Variants in ADCY1 observed in about 807,000 individuals in gnomAD.
ADCY1 encodes adenylate cyclase 1, also known as adenylate cyclase type 1.
ADCY1 carries 28 observed loss-of-function variants against 105.4 expected under a neutral mutation model. The ratio of observed to expected loss-of-function variants is 0.27; its 90% confidence interval spans 0.20 to 0.36. ADCY1 has a LOEUF of 0.36. Ranked by LOEUF, ADCY1 falls within the 10% of genes least tolerant of loss-of-function variation. The pLI, the probability that ADCY1 is intolerant of heterozygous loss-of-function variation, is 1.00. For synonymous variants in ADCY1, 655 were observed against 623.8 expected (o/e 1.05, Z -0.75); for missense variants, 977 against 1,434.2 (o/e 0.68, Z 5.15).
intron 11 of ADCY1, chr7:45,680,735 G>A (rs1050220609): frequency 1.3e-5 from 2 of 152,174 alleles, no homozygotes; most frequent in South Asian, 4.1e-4. Flanking sequence ...TAAAACTGCT[G>A]TTTTTCATAT....
chr7:45,584,023 C>T (rs1313892918), intron 1 of ADCY1, among the ~76,000 whole-genome samples: 1 of 144,376 alleles, frequency 6.9e-6, no homozygotes, highest in East Asian at 2.1e-4. Flanking sequence ...TCATGGTTCA[C>T]TGCAGCCTTG....
intron 5 of ADCY1, among the ~76,000 whole-genome samples, chr7:45,649,558 T>A (rs1250405989): frequency 2.6e-5 from 4 of 152,204 alleles, no homozygotes; most frequent in Non-Finnish European, 5.9e-5. Flanking sequence ...TGATGGGTAG[T>A]TGCAGGTGAA....
intron 2 of ADCY1, among the ~76,000 whole-genome samples, chr7:45,604,088 G>T (rs1793315280): frequency 6.6e-6 from 1 of 152,074 alleles, no homozygotes; most frequent in South Asian, 2.1e-4. Flanking sequence ...ACAGTTGCTG[G>T]GTCATATGGA....
At chr7:45,679,493 C>T (rs1223006945) in intron 10 of ADCY1, among the ~76,000 whole-genome samples, 1 of 152,118 alleles carries the variant, frequency 6.6e-6, no homozygotes, top group Middle Eastern at 3.2e-3. Context: ...AGGAGGGGCC[C>T]CCTTCTTACT....
intron 8 of ADCY1, among the ~76,000 whole-genome samples, chr7:45,667,539 G>A (rs2116150437): frequency 1.3e-5 from 2 of 152,292 alleles, no homozygotes; most frequent in Non-Finnish European, 2.9e-5. Context: ...TAGCCTTGTA[G>A]TATAGTTTGA....
intron 3 of ADCY1, among the ~76,000 whole-genome samples, chr7:45,617,939 A>T (rs538927207): frequency 6.6e-5 from 10 of 152,360 alleles, no homozygotes; most frequent in African/African-American, 2.4e-4. Flanking sequence ...TTGAGCAAAA[A>T]GAAGAAAGCT....
intron 4 of ADCY1, among the ~76,000 whole-genome samples, chr7:45,625,974 T>C (rs1439059962): frequency 1.3e-5 from 2 of 152,216 alleles, no homozygotes; most frequent in Non-Finnish European, 2.9e-5. Flanking sequence ...TGTTAACCCA[T>C]GTCCAAGAGA....
intron 4 of ADCY1, among the ~76,000 whole-genome samples, chr7:45,630,576 C>A (rs1794216072): frequency 6.6e-6 from 1 of 152,144 alleles, no homozygotes; most frequent in African/African-American, 2.4e-5. Flanking sequence ...GGCTTGTGGG[C>A]CAGTCTCCCT....
intron 8 of ADCY1, chr7:45,664,493 G>T: frequency 1.4e-6 from 2 of 1,433,460 alleles, no homozygotes; most frequent in South Asian, 1.5e-5. Flanking sequence ...ACTCTCTCCT[G>T]ATCGTAAACA....
rs745310966 is a variant in ADCY1 at position 45,660,196 on chromosome 7, GC to G, written c.1449+19del. The G allele has an allele frequency of 6.2e-7, 1 of 1,613,988 alleles. No individual in the cohort carries two copies. The highest frequency in any genetic ancestry group is 8.5e-7 in the Non-Finnish European group (1 of 1,179,898). On this transcript the variant is annotated intron_variant, in intron 7 of 19. Coordinates refer to ENST00000297323, the MANE Select transcript of ADCY1 (RefSeq NM_021116.4). The stretch of plus-strand genomic sequence containing the variant: ...CCATCGCCGAAAGGTAGGCACCAGA[GC>G]CCCCCTCATTTGGTTGATCCTTAGC...
At chr7:45,599,815 G>A (rs375016392) in intron 2 of ADCY1, among the ~76,000 whole-genome samples, 2 of 152,078 alleles carry the variant, frequency 1.3e-5, no homozygotes, top group South Asian at 2.1e-4. Flanking sequence ...TAGTAGAAAC[G>A]GGGTTTCACC....
In ADCY1 at chr7:45,662,042, C is replaced by A. The variant is rs550022612; in HGVS notation, c.1450-17C>A. The A allele has an allele frequency of 6.2e-7, 1 of 1,610,990 alleles. No individual in the cohort carries two copies. Among genetic ancestry groups the A allele is most frequent in the Admixed American group, 1.7e-5 (1 of 59,870 alleles). ...TCATTCACAGCATTTCTCCTTGCCC[C>A]TTGTGTGTTTGGACAGATATTTCCA... On this transcript the variant is annotated splice_polypyrimidine_tract_variant and intron_variant, in intron 7 of 19. Transcript: ENST00000297323.
intron 2 of ADCY1, among the ~76,000 whole-genome samples, chr7:45,608,387 T>C (rs1333317869): frequency 6.6e-6 from 1 of 152,236 alleles, no homozygotes; most frequent in Non-Finnish European, 1.5e-5. Context: ...CACATCTAGC[T>C]GCATGGGAGG....
Position 45,575,174 on chromosome 7 carries a change from T to C in ADCY1, c.631T>C (p.Trp211Arg). The C allele has an allele frequency of 6.2e-7, 1 of 1,600,656 alleles. No homozygotes were observed. Residue 211 changes from tryptophan to arginine, a missense_variant, in exon 1 of 20, where the codon TGG (tryptophan) becomes CGG (arginine). Physicochemically the swap from Trp to Arg is moderately radical, Grantham distance 101. Around this residue, in one of 7 missense-constraint regions of ADCY1, gnomAD observed 196 missense variants for 347.8 expected, o/e 0.56. Coordinates refer to ENST00000297323, the MANE Select transcript of ADCY1 (RefSeq NM_021116.4). This position sits in a 1 kb window ranked among gnomAD's most constrained non-coding sequence, Gnocchi z 4.7. ...GGTCCCCGCCAAGCGCCCACGTCTCTGGAGGACGGTAAGTGCAGCCGCGCA... is the reference window on the plus strand; with the variant it reads ...GGTCCCCGCCAAGCGCCCACGTCTCCGGAGGACGGTAAGTGCAGCCGCGCA... Reference protein sequence around the residue: ...TLVPAKRPRLWRTLGANALLF... With the variant: ...TLVPAKRPRLRRTLGANALLF...
At chr7:45,590,805 G>A (rs1043495861) in intron 1 of ADCY1, among the ~76,000 whole-genome samples, 10 of 152,050 alleles carry the variant, frequency 6.6e-5, no homozygotes, top group Admixed American at 2.0e-4. Context: ...CAGCCATCCC[G>A]TCTGGCCTGC....
chr7:45,608,300 G>GT, intron 2 of ADCY1, among the ~76,000 whole-genome samples: 1 of 152,152 alleles, frequency 6.6e-6, no homozygotes, highest in African/African-American at 2.4e-5. Flanking sequence ...AGGTTATTTG[G>GT]TTTTTGCTAG....
At chr7:45,651,856 GT>G (rs2116075140) in intron 5 of ADCY1, among the ~76,000 whole-genome samples, 1 of 152,330 alleles carries the variant, frequency 6.6e-6, no homozygotes, top group East Asian at 1.9e-4. Flanking sequence ...CCACAGAGAG[GT>G]CTGTTCCAGG....
chr7:45,656,238 G>A (rs1794940075), intron 5 of ADCY1, among the ~76,000 whole-genome samples: 1 of 152,038 alleles, frequency 6.6e-6, no homozygotes, highest in South Asian at 2.1e-4. Context: ...GGGAGGCGGA[G>A]CTTGCAGTGA....
chr7:45,696,733 C>T (rs1272698850), intron 14 of ADCY1, among the ~76,000 whole-genome samples: 3 of 152,104 alleles, frequency 2.0e-5, no homozygotes, highest in Non-Finnish European at 4.4e-5. Flanking sequence ...AGCTCTGAGG[C>T]CTATGCTTCT....
Sources: gnomAD v4.1 joint callset for allele counts (sites outside exome capture counted in the v4.1 genomes callset) on GRCh38, gnomAD v4.1.1 for gene constraint, gnomAD v4.1.1 regional missense constraint, Gnocchi (gnomAD v3.1) non-coding constraint, MANE v1.5 for transcripts, NCBI Gene and HGNC (gene_info 2026-07-23, HGNC 2026-07-21) for gene names.